The following SERPINI2 variants were observed in gnomAD, a reference collection of about 807,000 sequenced individuals.
SERPINI2 encodes serpin family I member 2, also known as serpin I2.
In SERPINI2, 48 loss-of-function variants were observed where a neutral mutation model predicts 47.3. That is an observed-to-expected ratio of 1.02 (90% CI 0.81 to 1.29). The LOEUF is 1.29. Ranked by LOEUF, SERPINI2 falls within the 50% of genes most tolerant of loss-of-function variation. The probability of loss-of-function intolerance (pLI) is 0.00; values close to 1 mark genes in which losing one functional copy is unlikely to be tolerated. For missense variants in SERPINI2, 448 were observed against 456.9 expected, an observed-to-expected ratio of 0.98 and a Z score of 0.18; for synonymous variants, 135 against 149.3, an observed-to-expected ratio of 0.90 and a Z score of 0.70.
chr3:167,455,586 C>G (rs1323203486), intron 5 of SERPINI2, among the ~76,000 whole-genome samples: 1 of 110,996 alleles, frequency 9.0e-6, no homozygotes, highest in African/African-American at 4.0e-5. Context: ...TAAAGAAATA[C>G]GAGTCTCAAA....
intron 3 of SERPINI2, among the ~76,000 whole-genome samples, chr3:167,465,884 T>G (rs1216685122): frequency 6.6e-6 from 1 of 152,138 alleles, no homozygotes; most frequent in Admixed American, 6.5e-5. Context: ...ACTACGAAAT[T>G]AGAAATATGA....
chr3:167,446,064 C>G (rs1749469889), intron 8 of SERPINI2, among the ~76,000 whole-genome samples: 3 of 152,184 alleles, frequency 2.0e-5, no homozygotes, highest in Admixed American at 2.0e-4. Flanking sequence ...CACTTTCTAG[C>G]TACGTAACCT....
chr3:167,454,470 G>A (rs1297545416), intron 5 of SERPINI2, among the ~76,000 whole-genome samples: 1 of 152,146 alleles, frequency 6.6e-6, no homozygotes, highest in Middle Eastern at 3.2e-3. Context: ...TATGCAGCAT[G>A]ATGGTTTGGG....
chr3:167,465,460 C>G lies in SERPINI2; in HGVS notation c.673+19G>C. ...CAATTCTCAAGACTATGCTTAGGAA[C>G]TGTGGTTTCTCACATTACCATATTT... On this transcript the variant is annotated intron_variant, in intron 4 of 8. Transcript: ENST00000264677. 1 of 1,610,666 alleles carries G rather than the reference C, an allele frequency of 6.2e-7. No homozygotes were observed. The highest frequency in any genetic ancestry group is 1.3e-5 in the African/African-American group (1 of 74,682).
At chr3:167,458,229 C>CTTAGTGAAT (rs1446916920) in intron 5 of SERPINI2, among the ~76,000 whole-genome samples, 1 of 144,252 alleles carries the variant, frequency 6.9e-6, no homozygotes, top group Non-Finnish European at 1.5e-5. Context: ...GCTGTGTAGT[C>CTTAGTGAAT]TTAGTGAATT....
intron 1 of SERPINI2, 28 bp downstream of exon 1, chr3:167,473,975 A>C: frequency 7.6e-6 from 9 of 1,177,476 alleles, no homozygotes; most frequent in Non-Finnish European, 9.4e-6. Flanking sequence ...ATACTTATTC[A>C]AAAGCTATTT....
chr3:167,476,153 A>G (rs1750475376), upstream of SERPINI2, among the ~76,000 whole-genome samples: 1 of 151,796 alleles, frequency 6.6e-6, no homozygotes. Flanking sequence ...TAATGTGACC[A>G]ATTCCTTTTA....
intron 5 of SERPINI2, among the ~76,000 whole-genome samples, chr3:167,455,797 T>A (rs976077164): frequency 4.6e-5 from 7 of 152,034 alleles, no homozygotes; most frequent in African/African-American, 1.2e-4. Flanking sequence ...ACATCTTACA[T>A]GGCTGGAATA....
chr3:167,475,765 C>T (rs1405108611), upstream of SERPINI2, among the ~76,000 whole-genome samples: 2 of 149,836 alleles, frequency 1.3e-5, no homozygotes, highest in African/African-American at 4.9e-5. Flanking sequence ...GCCAACGTGT[C>T]TTGGTAGAAG....
At chr3:167,456,693 G>A (rs1467888942) in intron 5 of SERPINI2, among the ~76,000 whole-genome samples, 2 of 152,178 alleles carry the variant, frequency 1.3e-5, no homozygotes, top group East Asian at 1.9e-4. Flanking sequence ...TGTGACCATA[G>A]GCAAGGTATT....
At chr3:167,458,080 ATTC>A (rs1749853058) in intron 5 of SERPINI2, among the ~76,000 whole-genome samples, 1 of 152,266 alleles carries the variant, frequency 6.6e-6, no homozygotes, top group Non-Finnish European at 1.5e-5. Flanking sequence ...TATAGGATTT[ATTC>A]TTCAACTCTT....
exon 3 of SERPINI2, chr3:167,467,264 T>G: frequency 6.2e-7 from 1 of 1,610,540 alleles, no homozygotes; most frequent in Non-Finnish European, 8.5e-7. Context: ...GAAAAATGAC[T>G]TCAGTACAAA....
intron 5 of SERPINI2, among the ~76,000 whole-genome samples, chr3:167,454,334 T>C (rs1749728438): frequency 6.6e-6 from 1 of 152,228 alleles, no homozygotes. Context: ...TGGTAACTCA[T>C]TCAGAACCCT....
chr3:167,452,366 A>G (rs1266530497), intron 6 of SERPINI2, among the ~76,000 whole-genome samples: 1 of 152,194 alleles, frequency 6.6e-6, no homozygotes, highest in African/African-American at 2.4e-5. Context: ...GTACAAGTGA[A>G]CGTGTTAACC....
In SERPINI2 at chr3:167,467,292, A is replaced by T; in HGVS notation, c.248-7T>A. On this transcript the variant is annotated splice_polypyrimidine_tract_variant and splice_region_variant and intron_variant, in intron 2 of 8. Transcript: ENST00000264677. Reference sequence around the variant, plus strand: ...AGTACAAAAAATTCTTCCCCTAGAAAATAATTTTAATGTATATTGGCATAT... The same window carrying T: ...AGTACAAAAAATTCTTCCCCTAGAATATAATTTTAATGTATATTGGCATAT... 6.3e-7 allele frequency: 1 copy of T among 1,580,046 alleles called. No homozygotes were observed. The highest frequency in any genetic ancestry group is 8.7e-7 in the Non-Finnish European group (1 of 1,153,922).
exon 3 of SERPINI2, chr3:167,467,152 G>C (rs1220266649): frequency 6.2e-7 from 1 of 1,613,444 alleles, no homozygotes. Flanking sequence ...AAAATTCCTT[G>C]TTGCCATGGA....
chr3:167,444,837 T>C (rs1430443941), intron 8 of SERPINI2, among the ~76,000 whole-genome samples: 2 of 152,192 alleles, frequency 1.3e-5, no homozygotes, highest in Non-Finnish European at 2.9e-5. Context: ...CTTTTGCTGC[T>C]GTTTTACTGA....
intron 5 of SERPINI2, among the ~76,000 whole-genome samples, chr3:167,463,027 G>A (rs530706374): frequency 1.3e-5 from 2 of 152,160 alleles, no homozygotes; most frequent in Admixed American, 6.5e-5. Flanking sequence ...CTAGCAATAA[G>A]TATCATTATC....
At chr3:167,473,809 C>G in intron 1 of SERPINI2, 194 bp downstream of exon 1, 2 of 1,418,554 alleles carry the variant, frequency 1.4e-6, no homozygotes, top group East Asian at 2.7e-5. Flanking sequence ...GATGAATAGT[C>G]CTATAAGAAC....
Sources: gnomAD v4.1 joint callset for allele counts (sites outside exome capture counted in the v4.1 genomes callset) on GRCh38, gnomAD v4.1.1 for gene constraint, MANE v1.5 for transcripts, NCBI Gene and HGNC (gene_info 2026-07-23, HGNC 2026-07-21) for gene names.